GPR137B: variants seen among roughly 807,000 people sequenced by gnomAD.
The protein encoded by GPR137B is integral membrane protein GPR137B.
A neutral mutation model predicts 42.5 loss-of-function variants in GPR137B; 42 were observed. The ratio of observed to expected loss-of-function variants is 0.99; its 90% CI spans 0.77 to 1.28. The LOEUF (loss-of-function observed/expected upper bound fraction) is 1.28. Ranked by LOEUF, GPR137B falls within the 50% of genes most tolerant of loss-of-function variation. The probability of loss-of-function intolerance (pLI) is 0.00; values close to 1 mark genes in which losing one functional copy is unlikely to be tolerated. For missense variants in GPR137B, 487 were observed against 493.9 expected (o/e 0.99, Z 0.13); for synonymous variants, 218 against 209.7 (o/e 1.04, Z -0.34).
rs372664182 is a variant in GPR137B at position 236,208,019 on chromosome 1, C to T, written c.1092-31C>T. The stretch of plus-strand genomic sequence containing the variant: ...ATGTCATACATACTATATAATGTTT[C>T]AAGTCACTGAAATATTTTTTTCTTT... On this transcript the variant is annotated intron_variant, in intron 6 of 6. Coordinates refer to ENST00000366592, the MANE Select transcript of GPR137B (RefSeq NM_003272.4). 2.1e-4 allele frequency: 322 copies of T among 1,526,976 alleles called. 1 individual carries two copies. The South Asian group carries it at 3.0e-3, about 14-fold the overall frequency. 94.6% of individuals were successfully genotyped at this position (1,526,976 alleles called of 1,614,324 possible).
At chr1:236,162,159 C>T (rs1662221857) in intron 1 of GPR137B, among the ~76,000 whole-genome samples, 2 of 152,124 alleles carry the variant, frequency 1.3e-5, no homozygotes, top group South Asian at 4.1e-4. Context: ...TTTTTGGGAA[C>T]TGGAGCAAAG....
At chr1:236,166,289 G>A (rs1343743090) in intron 1 of GPR137B, among the ~76,000 whole-genome samples, 1 of 151,704 alleles carries the variant, frequency 6.6e-6, no homozygotes, top group East Asian at 1.9e-4. Flanking sequence ...AAGAGAGGTT[G>A]TTTGGTAACG....
At chr1:236,204,927 C>CTT (rs1491199112) in intron 5 of GPR137B, among the ~76,000 whole-genome samples, 199 bp from the exon 6 acceptor site, 1 of 151,926 alleles carries the variant, frequency 6.6e-6, no homozygotes, top group Non-Finnish European at 1.5e-5. Flanking sequence ...TGATAGAAGA[C>CTT]TTTGCCCATA....
Position 236,166,372 on chromosome 1 carries a change from A to G in GPR137B, c.415-2334A>G, listed in dbSNP as rs962193606. On this transcript the variant is annotated intron_variant, in intron 1 of 6. Transcript: ENST00000366592. ...CTAAAATCCCGTGGTGGGTTGTCAG[A>G]TAAAGTGGAACCAGGACTCCTTTAA... Among the ~76,000 whole-genome samples, 4 of 151,368 alleles carry G rather than the reference A, an allele frequency of 2.6e-5. No homozygotes were observed. The East Asian group carries it at 7.7e-4, about 29-fold the overall frequency.
chr1:236,150,021 G>A lies in GPR137B; in HGVS notation c.414+6985G>A, dbSNP rs1409008429. Among the ~76,000 whole-genome samples the A allele has an allele frequency of 1.4e-5, 2 of 148,126 alleles. No homozygotes were observed. Among genetic ancestry groups the A allele is most frequent in the African/African-American group, 2.5e-5 (1 of 39,244 alleles). ...TGTGTGCCTGTGTGTGTGCCTGTGT[G>A]TGTACCTGTGTGTGTGTGTGCCTGC... On this transcript the variant is annotated intron_variant, in intron 1 of 6. Coordinates refer to ENST00000366592, the MANE Select transcript of GPR137B (RefSeq NM_003272.4). This position sits in a 1 kb window ranked among gnomAD's most constrained non-coding sequence, Gnocchi z 6.2.
chr1:236,176,395 T>A (rs907702084), intron 2 of GPR137B, among the ~76,000 whole-genome samples: 1 of 152,076 alleles, frequency 6.6e-6, no homozygotes, highest in Non-Finnish European at 1.5e-5. Context: ...CTCCTGCATG[T>A]CCGACTCGCT....
chr1:236,192,282 G>A (rs1177633976), intron 5 of GPR137B, among the ~76,000 whole-genome samples: 2 of 152,032 alleles, frequency 1.3e-5, no homozygotes, highest in Admixed American at 1.3e-4. Flanking sequence ...GGGACCTACC[G>A]AGCCAGACTA....
chr1:236,197,410 C>T (rs1663370838), intron 5 of GPR137B, among the ~76,000 whole-genome samples: 1 of 152,068 alleles, frequency 6.6e-6, no homozygotes, highest in Admixed American at 6.5e-5. Context: ...ATGTATTTAT[C>T]TTAGTTTTTG....
intron 5 of GPR137B, 46 bp from the exon 6 acceptor site, chr1:236,205,080 A>C: frequency 6.5e-7 from 1 of 1,538,456 alleles, no homozygotes; most frequent in Non-Finnish European, 8.9e-7. Flanking sequence ...GTCTGGTGCA[A>C]GGCATGATGT....
In GPR137B at chr1:236,168,707, T is replaced by G. The variant is rs1571978522; in HGVS notation, c.416T>G (p.Val139Gly). The change falls in exon 2 of 7, where the codon GTG becomes GGG. Residue 139 changes from valine to glycine, a missense_variant and splice_region_variant. By Grantham distance (109) the Val-to-Gly change is moderately radical. Transcript: ENST00000366592. ...TGCCATGCTTTTCTGTCGTTGCAGG[T>G]GATTTTCAAAGCCAAGTCAAAATAT... ...LTLMNLYFTQ[V>G]IFKAKSKYSP... The G allele has an allele frequency of 9.3e-6, 15 of 1,611,958 alleles. No individual in the cohort carries two copies. Among genetic ancestry groups the G allele is most frequent in the Non-Finnish European group, 1.3e-5 (15 of 1,178,004 alleles).
chr1:236,145,703 ACT>A (rs1170441817), intron 1 of GPR137B, among the ~76,000 whole-genome samples: 5 of 151,806 alleles, frequency 3.3e-5, no homozygotes, highest in Admixed American at 6.6e-5. Context: ...TTTTACCAGA[ACT>A]CTCTGAAGAA....
intron 6 of GPR137B, among the ~76,000 whole-genome samples, chr1:236,205,614 C>T (rs1011295315): frequency 5.3e-5 from 8 of 152,216 alleles, no homozygotes; most frequent in Non-Finnish European, 1.2e-4. Context: ...AATCTTGGCT[C>T]ACTGCAACCT....
intron 1 of GPR137B, among the ~76,000 whole-genome samples, chr1:236,143,409 C>G (rs1661590444): frequency 1.3e-5 from 2 of 152,252 alleles, no homozygotes; most frequent in Non-Finnish European, 2.9e-5. Context: ...GGCCTGAACT[C>G]TAGAATTTGC....
chr1:236,177,223 G>A (rs1357587660), intron 2 of GPR137B, among the ~76,000 whole-genome samples: 1 of 152,160 alleles, frequency 6.6e-6, no homozygotes, highest in African/African-American at 2.4e-5. Context: ...TGGAATCTGA[G>A]GGCAGGAAAT....
At chr1:236,198,262 T>C (rs1663396644) in intron 5 of GPR137B, among the ~76,000 whole-genome samples, 1 of 152,120 alleles carries the variant, frequency 6.6e-6, no homozygotes, top group Admixed American at 6.5e-5. Context: ...TGGAGTGCAG[T>C]GGTGTGATAT....
At chr1:236,190,507 G>A (rs1368560837) in intron 5 of GPR137B, among the ~76,000 whole-genome samples, 2 of 152,174 alleles carry the variant, frequency 1.3e-5, no homozygotes, top group Non-Finnish European at 2.9e-5. Flanking sequence ...TCCTTCAGGA[G>A]GTCTTGTAAG....
At chr1:236,192,762 G>A (rs750684990) in intron 5 of GPR137B, among the ~76,000 whole-genome samples, 1 of 152,008 alleles carries the variant, frequency 6.6e-6, no homozygotes, top group East Asian at 1.9e-4. Flanking sequence ...GCTGGGAGCT[G>A]CAGACTGGAG....
intron 1 of GPR137B, among the ~76,000 whole-genome samples, chr1:236,161,557 G>A (rs192581619): frequency 7.2e-6 from 1 of 138,174 alleles, no homozygotes; most frequent in Admixed American, 7.3e-5. Context: ...CACACCTCCT[G>A]TTATGGTTTG....
At chr1:236,205,898 G>A (rs371456363) in intron 6 of GPR137B, among the ~76,000 whole-genome samples, 24 of 152,328 alleles carry the variant, frequency 1.6e-4, no homozygotes, top group East Asian at 1.2e-3. Context: ...TGTGTGCTCT[G>A]AATCTCCAAG....
Sources: allele counts gnomAD v4.1 joint callset (sites outside exome capture counted in the v4.1 genomes callset), GRCh38; gene constraint gnomAD v4.1.1; non-coding constraint Gnocchi (gnomAD v3.1); transcripts MANE v1.5; gene names NCBI Gene and HGNC (gene_info 2026-07-23, HGNC 2026-07-21).